The following GPR35 variants were observed in gnomAD, a reference collection of about 807,000 sequenced individuals.
GPR35 encodes the protein KYNA receptor.
For missense variants in GPR35, 372 were observed against 422.5 expected (o/e 0.88, Z 1.05); for synonymous variants, 207 against 198.4 (o/e 1.04, Z -0.36).
In GPR35 at chr2:240,630,142, G is replaced by T; in HGVS notation, c.190G>T (p.Val64Leu). 1 of 1,601,880 alleles carries T rather than the reference G, an allele frequency of 6.2e-7. No individual in the cohort carries two copies. The highest frequency in any genetic ancestry group is 1.1e-5 in the South Asian group (1 of 91,052). The change falls in exon 2 of 2, where the codon GTG (valine) becomes TTG (leucine). Residue 64 changes from valine to leucine, a missense_variant. Coordinates refer to ENST00000407714, the MANE Select transcript of GPR35 (RefSeq NM_005301.5). ...ETRIYMTNLAVADLCLLCTLP... is the reference protein window; with the variant it reads ...ETRIYMTNLALADLCLLCTLP... ...CCGCATCTACATGACCAACCTGGCG[G>T]TGGCCGACCTCTGCCTGCTGTGCAC...
intron 2 of GPR35, among the ~76,000 whole-genome samples, chr2:240,612,135 A>G (rs955234604): frequency 5.9e-5 from 9 of 152,086 alleles, no homozygotes; most frequent in African/African-American, 2.2e-4. Context: ...ATTGGTGTTC[A>G]TTTAGATCTA....
chr2:240,610,639 T>A (rs1466405999), intron 2 of GPR35, among the ~76,000 whole-genome samples: 1 of 151,936 alleles, frequency 6.6e-6, no homozygotes, highest in Non-Finnish European at 1.5e-5. Context: ...TTTTTAACTT[T>A]TTTTTTTCTT....
rs936787477 is a variant in GPR35, at chr2:240,630,985, GA to G, written c.*105del. 1.1e-6 allele frequency: 1 copy of G among 933,254 alleles called. No individual in the cohort carries two copies. The highest frequency in any genetic ancestry group is 1.6e-5 in the African/African-American group (1 of 60,872). The allele number at this position is 933,254 out of a possible 1,614,324, so 57.8% of individuals were successfully genotyped here. ...TAGCAAGGAGCCCGAGATCAGCCCT[GA>G]ACTCACTGTGTATTCTCTTGGAGCC... On this transcript the variant is annotated 3_prime_UTR_variant, in exon 2 of 2. Transcript: ENST00000407714.
upstream of GPR35, among the ~76,000 whole-genome samples, chr2:240,624,955 T>C (rs915197815): frequency 3.3e-5 from 5 of 152,124 alleles, no homozygotes; most frequent in African/African-American, 4.8e-5. Flanking sequence ...CTCTCACCTG[T>C]GTGCATTGGC....
chr2:240,626,061 T>C (rs1303871463), intron 1 of GPR35, among the ~76,000 whole-genome samples: 14 of 3,278 alleles, frequency 4.3e-3, no homozygotes, highest in Admixed American at 7.6e-3. Context: ...GAGGCTGTGA[T>C]GGGGGTCTCA....
In GPR35 at chr2:240,616,298, A is replaced by T. The variant is rs909329370; in HGVS notation, c.-576-90A>T. On this transcript the variant is annotated intron_variant, in intron 2 of 5. Transcript: ENST00000319838. ...ACCTCGACAGCAGTGGCTCCACAGG[A>T]TGCATACGAGGTCCCCGCGGTCCCG... 13 of 665,552 alleles carry T rather than the reference A, an allele frequency of 2.0e-5. No individual in the cohort carries two copies. The Admixed American group carries it at 2.7e-4, about 14-fold the overall frequency. 41.2% of individuals were successfully genotyped at this position (665,552 alleles called of 1,614,324 possible).
chr2:240,616,324 G>A (rs2043236430), intron 2 of GPR35: 1 of 706,234 alleles, frequency 1.4e-6, no homozygotes. Flanking sequence ...CGCGGTCCCG[G>A]CCGACATACC....
rs1414250826 is a variant in GPR35, at chr2:240,610,757, C to T, written c.-577+4145C>T. Reference sequence around the variant, plus strand: ...TCAAGTGATTCTCCTGCCTCAGCCTCCCAAGTAGCTGGGACTACAGGCGCC... The same window carrying T: ...TCAAGTGATTCTCCTGCCTCAGCCTTCCAAGTAGCTGGGACTACAGGCGCC... On this transcript the variant is annotated intron_variant, in intron 2 of 5. Coordinates refer to the GPR35 transcript ENST00000319838. 2.0e-5 allele frequency among the ~76,000 whole-genome samples: 3 copies of T among 151,996 alleles called. No homozygotes were observed. In the East Asian group the frequency reaches 5.8e-4, roughly 29 times the overall value.
chr2:240,619,004 A>G (rs2043265733), exon 5 of GPR35: 2 of 702,834 alleles, frequency 2.8e-6, no homozygotes, highest in Admixed American at 2.0e-5. Context: ...CTGCTGAAGT[A>G]CATGCTTCAT....
At position 240,630,275 on chromosome 2, in the gene GPR35, CGGCCATCGCCGTGGACCGCTATGT is replaced by C. The variant is rs753912091; in HGVS notation, c.328_351del (p.Ile110_Ala117del). ...AGGTACATGAGCATCAGCCTGGTCA[CGGCCATCGCCGTGGACCGCTATGT>C]GGCCGTGCGGCACCCGCTGCGTGCC... is the stretch of plus-strand genomic sequence containing the variant. On this transcript the variant is annotated inframe_deletion, in exon 2 of 2. Transcript: ENST00000407714. 9.0e-6 allele frequency: 14 copies of C among 1,564,066 alleles called. No homozygotes were observed. The highest frequency in any genetic ancestry group is 1.2e-5 in the Non-Finnish European group (14 of 1,159,200).
upstream of GPR35, chr2:240,625,414 C>T (rs1240022737): frequency 6.1e-6 from 6 of 985,360 alleles, no homozygotes; most frequent in Non-Finnish European, 7.2e-6. Flanking sequence ...GTCAGCCGCC[C>T]GCCCCCCCAC....
Position 240,630,924 on chromosome 2 carries a change from C to G in GPR35, c.*42C>G, listed in dbSNP as rs547386562. 2.0e-6 allele frequency: 3 copies of G among 1,533,042 alleles called. No individual in the cohort carries two copies. The highest frequency in any genetic ancestry group is 1.8e-6 in the Non-Finnish European group (2 of 1,121,496). 95.0% of individuals were successfully genotyped at this position (1,533,042 alleles called of 1,614,324 possible). A position where few individuals can be genotyped will look rare whatever the true frequency, so the allele number is the denominator to read the frequency against. On this transcript the variant is annotated 3_prime_UTR_variant, in exon 2 of 2. Coordinates refer to ENST00000407714, the MANE Select transcript of GPR35 (RefSeq NM_005301.5). The stretch of plus-strand genomic sequence containing the variant: ...GCTGTGGGCCAGGTCTCGGGGGCTC[C>G]GGGAGGTGCTGCCTGCCAGGGGAAG...
At chr2:240,623,213 C>T (rs903364165), upstream of GPR35, among the ~76,000 whole-genome samples, 2 of 152,212 alleles carry the variant, frequency 1.3e-5, no homozygotes, top group African/African-American at 4.8e-5. Flanking sequence ...AGATAGAGTC[C>T]CACAAGCACA....
chr2:240,624,905 C>T (rs1031062290), upstream of GPR35, among the ~76,000 whole-genome samples: 3 of 144,538 alleles, frequency 2.1e-5, no homozygotes, highest in Admixed American at 1.4e-4. Flanking sequence ...GTGGCCAAGT[C>T]GGGGGGAAGC....
chr2:240,615,869 G>T (rs2125478333), intron 2 of GPR35, among the ~76,000 whole-genome samples: 1 of 152,342 alleles, frequency 6.6e-6, no homozygotes, highest in East Asian at 1.9e-4. Context: ...AGCAGGGAAG[G>T]GAGATGAGGC....
At chr2:240,613,615 G>A (rs935749286) in intron 2 of GPR35, among the ~76,000 whole-genome samples, 2 of 151,782 alleles carry the variant, frequency 1.3e-5, no homozygotes, top group East Asian at 1.9e-4. Context: ...AACCTAACTC[G>A]AACCCAAACC....
chr2:240,625,752 G>GAGGTGAGGCTGTGATGGGGGTCTCAGA (rs2043364042), intron 1 of GPR35, among the ~76,000 whole-genome samples, 184 bp downstream of exon 1: 1 of 149,896 alleles, frequency 6.7e-6, no homozygotes, highest in African/African-American at 2.5e-5. Context: ...GTCTCAGAGC[G>GAGGTGAGGCTGTGATGGGGGTCTCAGA]GGGTGAGGCT....
intron 2 of GPR35, chr2:240,607,159 A>G (rs1440021276): frequency 6.6e-6 from 1 of 151,686 alleles, no homozygotes; most frequent in Non-Finnish European, 1.5e-5. Flanking sequence ...ATACCCATCC[A>G]TTTACTTATT....
At chr2:240,606,078 G>A (rs776269231) in intron 1 of GPR35, among the ~76,000 whole-genome samples, 5 of 152,104 alleles carry the variant, frequency 3.3e-5, no homozygotes, top group East Asian at 1.9e-4. Flanking sequence ...CCCCAAACCC[G>A]GCCATTCCTC....
Sources: gnomAD v4.1 joint callset for allele counts (sites outside exome capture counted in the v4.1 genomes callset) on GRCh38, gnomAD v4.1.1 for gene constraint, MANE v1.5 for transcripts, NCBI Gene and HGNC (gene_info 2026-07-23, HGNC 2026-07-21) for gene names.